GLIS3: variants seen among roughly 807,000 people sequenced by gnomAD.
The protein encoded by GLIS3 is GLIS family zinc finger 3.
GLIS3 carries 53 observed loss-of-function variants against 78.6 expected under a neutral mutation model. That is an observed-to-expected ratio of 0.67 (90% CI 0.54 to 0.85). GLIS3 has a LOEUF of 0.85. GLIS3 is among the 40% of genes least tolerant of loss of function. GLIS3 has a pLI of 0.00. For synonymous variants in GLIS3, 684 were observed against 509.9 expected, an observed-to-expected ratio of 1.34 and a Z score of -4.60; for missense variants, 1,703 against 1,231.1, an observed-to-expected ratio of 1.38 and a Z score of -5.74.
intron 4 of GLIS3, among the ~76,000 whole-genome samples, chr9:3,981,286 A>C (rs943365515): frequency 6.6e-6 from 1 of 152,238 alleles, no homozygotes; most frequent in African/African-American, 2.4e-5. Flanking sequence ...TACATGAATC[A>C]GAAAGTGAGT....
chr9:4,292,966 A>T (rs1816151600), intron 1 of GLIS3, among the ~76,000 whole-genome samples: 1 of 152,220 alleles, frequency 6.6e-6, no homozygotes, highest in South Asian at 2.1e-4. Context: ...CAAACACTGA[A>T]TAGCACATGG....
At chr9:4,487,467 G>C in the GLIS3 span, among the ~76,000 whole-genome samples, 17 of 151,966 alleles carry the variant, frequency 1.1e-4, no homozygotes, top group African/African-American at 4.1e-4. Flanking sequence ...TTTAAGCCAG[G>C]TGCCCAAGGT....
the GLIS3 span, among the ~76,000 whole-genome samples, chr9:4,358,848 A>T: frequency 1.1e-3 from 171 of 152,324 alleles, 1 homozygote; most frequent in African/African-American, 3.9e-3. Context: ...AAATCTTAGT[A>T]ATGACCAGAG....
intron 2 of GLIS3, among the ~76,000 whole-genome samples, chr9:4,338,624 C>A (rs1003540455): frequency 2.0e-5 from 3 of 152,152 alleles, no homozygotes; most frequent in Non-Finnish European, 4.4e-5. Flanking sequence ...GACTTGTTCA[C>A]AGGCATTGTT....
At chr9:4,460,734 C>T in the GLIS3 span, among the ~76,000 whole-genome samples, 1 of 152,162 alleles carries the variant, frequency 6.6e-6, no homozygotes, top group Admixed American at 6.5e-5. Context: ...TAAAGGAGTT[C>T]TCTTTCCTTT....
upstream of GLIS3, among the ~76,000 whole-genome samples, chr9:4,303,954 A>G (rs577643131): frequency 9.2e-5 from 14 of 152,358 alleles, no homozygotes; most frequent in African/African-American, 3.4e-4. Context: ...TCTAATCACA[A>G]TGCCATCTTA....
In GLIS3 at chr9:3,829,449, G is replaced by A. The variant is rs759160830; in HGVS notation, c.2517C>T (p.Pro839=). ...QLQKFCPPHY[P]DSQRIVPPVS... ...CAGGCGGCACAATTCTCTGGGAATC[G>A]GGGTAGTGTGGGGGACAGAACTTCT... Residue 839 remains proline, a synonymous_variant, in exon 10 of 11, where the codon CCC becomes CCT. Transcript: ENST00000381971. 1.9e-5 allele frequency: 31 copies of A among 1,614,020 alleles called. No individual in the cohort carries two copies. Among genetic ancestry groups the A allele is most frequent in the African/African-American group, 5.3e-5 (4 of 74,910 alleles).
At position 3,987,215 on chromosome 9, in the gene GLIS3, G is replaced by A. The variant is rs557448642; in HGVS notation, c.1711-50026C>T. Reference sequence around the variant, plus strand: ...TTGCTGGAAGGGCTCAACAGTAGAGGTGAGAGAGGACAAAATTAGTGGACT... The same window carrying A: ...TTGCTGGAAGGGCTCAACAGTAGAGATGAGAGAGGACAAAATTAGTGGACT... On this transcript the variant is annotated intron_variant, in intron 4 of 10. Transcript: ENST00000381971. 1.1e-3 allele frequency among the ~76,000 whole-genome samples: 171 copies of A among 152,178 alleles called. 2 individuals carry two copies. Among genetic ancestry groups the A allele is most frequent in the Non-Finnish European group, 1.8e-3 (122 of 67,992 alleles).
intron 2 of GLIS3, among the ~76,000 whole-genome samples, chr9:4,250,671 T>C (rs1031129913): frequency 2.6e-5 from 4 of 152,226 alleles, no homozygotes; most frequent in Admixed American, 1.3e-4. Context: ...ATTTGTTTGC[T>C]CTTGCTTCTC....
intron 3 of GLIS3, among the ~76,000 whole-genome samples, chr9:4,310,135 ATT>A (rs1213211233): frequency 1.3e-5 from 2 of 152,150 alleles, no homozygotes; most frequent in Admixed American, 6.5e-5. Flanking sequence ...TTCATTTCAC[ATT>A]ACACAGGGCC....
At chr9:4,285,700 G>A (rs1425492109) in intron 2 of GLIS3, 3 of 316,606 alleles carry the variant, frequency 9.5e-6, no homozygotes, top group Admixed American at 8.3e-5. Flanking sequence ...AAACAGGGCA[G>A]CGCTACCTGT....
At chr9:4,418,764 T>A in the GLIS3 span, among the ~76,000 whole-genome samples, 3 of 151,928 alleles carry the variant, frequency 2.0e-5, no homozygotes, top group African/African-American at 7.3e-5. Flanking sequence ...GGAGGAAAAA[T>A]CTTCATGAAA....
At chr9:3,885,738 C>A (rs1271634132) in intron 7 of GLIS3, among the ~76,000 whole-genome samples, 1 of 152,196 alleles carries the variant, frequency 6.6e-6, no homozygotes, top group Non-Finnish European at 1.5e-5. Flanking sequence ...AATTTTAGAG[C>A]TGGGAAAAGT....
chr9:4,328,697 T>C (rs1817638647), intron 2 of GLIS3, among the ~76,000 whole-genome samples: 1 of 152,242 alleles, frequency 6.6e-6, no homozygotes. Flanking sequence ...CTTGTGACCT[T>C]GGGTGAATTT....
At chr9:4,464,909 A>T in the GLIS3 span, among the ~76,000 whole-genome samples, 1 of 152,192 alleles carries the variant, frequency 6.6e-6, no homozygotes, top group Non-Finnish European at 1.5e-5. Flanking sequence ...AAACCCCCCA[A>T]AATGGTATTA....
intron 7 of GLIS3, among the ~76,000 whole-genome samples, chr9:3,890,765 C>A (rs1179676574): frequency 1.4e-5 from 2 of 145,120 alleles, no homozygotes; most frequent in African/African-American, 5.7e-5. Context: ...AACAACAACA[C>A]AACAACAACA....
chr9:3,893,124 T>C lies in GLIS3; in HGVS notation c.2128+5567A>G, dbSNP rs540392114. On this transcript the variant is annotated intron_variant, in intron 7 of 10. Transcript: ENST00000381971. ...CTCTACCTTCCGATAGGAGAAATAA[T>C]AATACAAAAATAACCAATACTTTTC... is the stretch of plus-strand genomic sequence containing the variant. Among the ~76,000 whole-genome samples, 3 of 152,200 alleles carry C rather than the reference T, an allele frequency of 2.0e-5. No individual in the cohort carries two copies. The South Asian group carries it at 6.2e-4, about 32-fold the overall frequency.
At chr9:4,205,464 G>C (rs1344103977) in intron 2 of GLIS3, among the ~76,000 whole-genome samples, 4 of 152,212 alleles carry the variant, frequency 2.6e-5, no homozygotes, top group East Asian at 1.9e-4. Flanking sequence ...TGGGGATTCT[G>C]AGAAAAAGAC....
chr9:3,908,600 G>T (rs753075460), intron 6 of GLIS3, among the ~76,000 whole-genome samples: 52 of 151,564 alleles, frequency 3.4e-4, no homozygotes, highest in Non-Finnish European at 6.3e-4. Context: ...ACCTATCAAG[G>T]TTTGACAAGG....
Sources: gnomAD v4.1 joint callset for allele counts (sites outside exome capture counted in the v4.1 genomes callset) on GRCh38, gnomAD v4.1.1 for gene constraint, MANE v1.5 for transcripts, NCBI Gene and HGNC (gene_info 2026-07-23, HGNC 2026-07-21) for gene names.